ARHGAP24: variants seen among roughly 807,000 people sequenced by gnomAD.
The protein encoded by ARHGAP24 is rho GTPase-activating protein 24.
In ARHGAP24, 50 loss-of-function variants were observed where a neutral mutation model predicts 76.4. The ratio of observed to expected loss-of-function variants is 0.65; its 90% confidence interval spans 0.52 to 0.83. The LOEUF (loss-of-function observed/expected upper bound fraction) is 0.83, where lower values mean the gene tolerates loss of function less well. Ranked by LOEUF, ARHGAP24 falls within the 40% of genes least tolerant of loss-of-function variation. ARHGAP24 has a pLI of 0.00. For synonymous variants in ARHGAP24, 345 were observed against 323.3 expected (o/e 1.07, Z -0.72); for missense variants, 930 against 914.2 (o/e 1.02, Z -0.22).
chr4:85,659,646 A>G (rs924308865), intron 2 of ARHGAP24, among the ~76,000 whole-genome samples: 1 of 152,226 alleles, frequency 6.6e-6, no homozygotes, highest in African/African-American at 2.4e-5. Flanking sequence ...ATTTTGATGA[A>G]CACATTATAT....
At chr4:85,672,557 A>G (rs1722847908) in intron 2 of ARHGAP24, among the ~76,000 whole-genome samples, 1 of 152,230 alleles carries the variant, frequency 6.6e-6, no homozygotes, top group South Asian at 2.1e-4. Flanking sequence ...GAATCTTCCC[A>G]TTACCAGCGT....
At chr4:85,762,300 T>C (rs1180632653) in intron 3 of ARHGAP24, among the ~76,000 whole-genome samples, 1 of 152,222 alleles carries the variant, frequency 6.6e-6, no homozygotes, top group Non-Finnish European at 1.5e-5. Flanking sequence ...TGCACATTAA[T>C]ATTTGACTCT....
At chr4:85,610,370 G>A (rs1210025746) in intron 2 of ARHGAP24, among the ~76,000 whole-genome samples, 1 of 146,604 alleles carries the variant, frequency 6.8e-6, no homozygotes, top group Non-Finnish European at 1.5e-5. Flanking sequence ...CGTGAACCTG[G>A]GAGGTGGAGC....
In ARHGAP24 at chr4:85,994,860, C is replaced by T. The variant is rs1333621222; in HGVS notation, c.1206C>T (p.Ser402=). The T allele has an allele frequency of 6.2e-7, 1 of 1,614,116 alleles. No individual in the cohort carries two copies. The highest frequency in any genetic ancestry group is 1.7e-5 in the Admixed American group (1 of 60,022). Residue 402 remains serine (S), a synonymous_variant, in exon 9 of 10, where the codon AGC becomes AGT. Coordinates refer to ENST00000395184, the MANE Select transcript of ARHGAP24 (RefSeq NM_001025616.3). ...PTALSGSKTN[S]PKNSVHKLDV... ...CTCTATCAGGCAGCAAAACCAACAG[C>T]CCAAAGAACAGTGTTCACAAGCTAG... is the stretch of plus-strand genomic sequence containing the variant.
intron 2 of ARHGAP24, among the ~76,000 whole-genome samples, chr4:85,647,949 A>G (rs974827571): frequency 2.0e-5 from 3 of 152,012 alleles, no homozygotes; most frequent in Admixed American, 1.3e-4. Flanking sequence ...GTGGGAAGGT[A>G]TTTTTTTTCT....
intron 2 of ARHGAP24, among the ~76,000 whole-genome samples, chr4:85,573,634 A>G (rs1036297903): frequency 6.6e-6 from 1 of 152,238 alleles, no homozygotes; most frequent in African/African-American, 2.4e-5. Context: ...TTAAAGAATC[A>G]TAACATCTAA....
chr4:85,502,230 T>C (rs1450851998), intron 1 of ARHGAP24, among the ~76,000 whole-genome samples: 1 of 152,202 alleles, frequency 6.6e-6, no homozygotes, highest in East Asian at 1.9e-4. Context: ...CCATATGAAC[T>C]TTAATGTAGT....
rs144280947 is a variant in ARHGAP24 at position 85,711,056 on chromosome 4, T to C, written c.181-10829T>C. Among the ~76,000 whole-genome samples the C allele has an allele frequency of 2.3e-3, 357 of 152,316 alleles. 1 individual carries two copies. Among genetic ancestry groups the C allele is most frequent in the African/African-American group, 6.9e-3 (285 of 41,576 alleles). ...GTAGTACACATATACCATGGAATAC[T>C]ATGCAGCTATAAAAGAACAACAAGA... On this transcript the variant is annotated intron_variant, in intron 2 of 9. Coordinates refer to ENST00000395184, the MANE Select transcript of ARHGAP24 (RefSeq NM_001025616.3).
chr4:85,552,590 A>G (rs1336507471), intron 1 of ARHGAP24, among the ~76,000 whole-genome samples: 1 of 152,138 alleles, frequency 6.6e-6, no homozygotes, highest in Non-Finnish European at 1.5e-5. Flanking sequence ...TTGTGCCTCT[A>G]TGATCTGTCT....
chr4:86,002,088 G>T lies in ARHGAP24; in HGVS notation c.*1366G>T, dbSNP rs556041153. 2 of 152,116 alleles carry T rather than the reference G, an allele frequency of 1.3e-5. No homozygotes were observed. The highest frequency in any genetic ancestry group is 4.8e-5 in the African/African-American group (2 of 41,402). 9.4% of individuals were successfully genotyped at this position (152,116 alleles called of 1,614,324 possible). On this transcript the variant is annotated 3_prime_UTR_variant, in exon 10 of 10. Coordinates refer to ENST00000395184, the MANE Select transcript of ARHGAP24 (RefSeq NM_001025616.3). ...CACAATAAGGCAATGGTTTTGAGAG[G>T]CCAGGCAAATAATCTTTCTCACCGT...
intron 8 of ARHGAP24, chr4:85,992,138 T>C (rs114573209): frequency 0.019 from 7,641 of 397,830 alleles, 120 homozygotes; most frequent in Non-Finnish European, 0.026. Context: ...CCTCATTATC[T>C]GGGCTTCATG....
At chr4:85,951,443 C>T (rs1283127045) in intron 5 of ARHGAP24, among the ~76,000 whole-genome samples, 1 of 152,022 alleles carries the variant, frequency 6.6e-6, no homozygotes, top group Admixed American at 6.6e-5. Flanking sequence ...TGCCAGGGAA[C>T]GTTCGTTAGT....
chr4:85,716,513 G>T (rs1196243963), intron 2 of ARHGAP24, among the ~76,000 whole-genome samples: 1 of 151,974 alleles, frequency 6.6e-6, no homozygotes, highest in Non-Finnish European at 1.5e-5. Flanking sequence ...TTATCAAAAA[G>T]GTTCCATTTC....
At chr4:85,917,073 C>T (rs1014269507) in intron 3 of ARHGAP24, among the ~76,000 whole-genome samples, 8 of 152,068 alleles carry the variant, frequency 5.3e-5, no homozygotes, top group East Asian at 1.9e-4. Flanking sequence ...TCCCTCCACC[C>T]CACAACAGTC....
intron 2 of ARHGAP24, among the ~76,000 whole-genome samples, chr4:85,709,704 A>G (rs2110033475): frequency 6.6e-6 from 1 of 152,318 alleles, no homozygotes; most frequent in East Asian, 1.9e-4. Flanking sequence ...AAAATGTACA[A>G]AAATCACTAG....
intron 2 of ARHGAP24, among the ~76,000 whole-genome samples, chr4:85,582,928 T>C (rs1727678062): frequency 6.6e-6 from 1 of 152,186 alleles, no homozygotes; most frequent in Non-Finnish European, 1.5e-5. Flanking sequence ...GGTCGGAAAC[T>C]GCACTTTTGT....
At chr4:85,660,940 T>G (rs1392908954) in intron 2 of ARHGAP24, among the ~76,000 whole-genome samples, 1 of 152,186 alleles carries the variant, frequency 6.6e-6, no homozygotes, top group African/African-American at 2.4e-5. Context: ...TACACCACTT[T>G]CATTAAAACT....
intron 1 of ARHGAP24, among the ~76,000 whole-genome samples, chr4:85,565,742 A>C (rs1281811907): frequency 6.6e-6 from 1 of 152,192 alleles, no homozygotes; most frequent in Non-Finnish European, 1.5e-5. Context: ...AAGGTATTGT[A>C]ATTTCAAATA....
At chr4:85,580,231 G>C (rs1727554057) in intron 2 of ARHGAP24, among the ~76,000 whole-genome samples, 1 of 151,962 alleles carries the variant, frequency 6.6e-6, no homozygotes, top group South Asian at 2.1e-4. Flanking sequence ...TGAAGTCTCT[G>C]TTACTGAGAA....
Sources: gnomAD v4.1 joint callset for allele counts (sites outside exome capture counted in the v4.1 genomes callset) on GRCh38, gnomAD v4.1.1 for gene constraint, MANE v1.5 for transcripts, NCBI Gene and HGNC (gene_info 2026-07-23, HGNC 2026-07-21) for gene names.